ATP10B: variants seen among roughly 807,000 people sequenced by gnomAD.
ATP10B encodes the protein ATPase phospholipid transporting 10B (putative), also known as phospholipid-transporting ATPase VB.
ATP10B carries 122 observed loss-of-function variants against 141.2 expected under a neutral mutation model. That is an observed-to-expected ratio of 0.86 (90% CI 0.75 to 1.00). The LOEUF is 1.00. Ranked by LOEUF, ATP10B falls within the 50% of genes least tolerant of loss-of-function variation. ATP10B has a pLI of 0.00. For synonymous variants in ATP10B, 685 were observed against 692.0 expected (o/e 0.99, Z 0.16); for missense variants, 1,876 against 1,825.3 (o/e 1.03, Z -0.51).
chr5:160,598,717 A>C, intron 22 of ATP10B, 53 bp downstream of exon 22: 5 of 1,541,160 alleles, frequency 3.2e-6, no homozygotes, highest in Non-Finnish European at 4.5e-6. Context: ...GAGGGGAGGT[A>C]GAGGTCAGTA....
chr5:160,569,829 A>G (rs902579585), intron 24 of ATP10B, 146 bp from the exon 25 acceptor site: 3 of 650,506 alleles, frequency 4.6e-6, no homozygotes, highest in Non-Finnish European at 7.4e-6. Flanking sequence ...TTAATCTATC[A>G]TTATAAAGCA....
intron 18 of ATP10B, among the ~76,000 whole-genome samples, chr5:160,609,943 A>C (rs533484908): frequency 6.6e-6 from 1 of 152,218 alleles, no homozygotes; most frequent in Non-Finnish European, 1.5e-5. Context: ...CATAAGCTTT[A>C]AAATTAAATC....
rs115341007 is a variant in ATP10B at position 160,847,258 on chromosome 5, G to A, written c.-576+4683C>T. Among the ~76,000 whole-genome samples, 931 of 152,188 alleles carry A rather than the reference G, an allele frequency of 6.1e-3. 15 individuals carry two copies. Among genetic ancestry groups the A allele is most frequent in the African/African-American group, 0.022 (897 of 41,516 alleles). On this transcript the variant is annotated intron_variant, in intron 1 of 25. Coordinates refer to ENST00000327245, the MANE Select transcript of ATP10B (RefSeq NM_025153.3). ...AATATTTGAGTGTATCTAGCTTCTG[G>A]GATTCTATAATAGTCAGTTATGTAA...
At chr5:160,654,704 G>GTCATCA (rs151297339) in intron 7 of ATP10B, among the ~76,000 whole-genome samples, 6 of 151,934 alleles carry the variant, frequency 3.9e-5, no homozygotes, top group East Asian at 1.9e-4. Flanking sequence ...TGTCGTCATC[G>GTCATCA]TCATCATCAT....
chr5:160,917,282 T>G, the ATP10B span, among the ~76,000 whole-genome samples: 6 of 150,986 alleles, frequency 4.0e-5, no homozygotes, highest in East Asian at 1.2e-3. Context: ...TTTTTTTTTT[T>G]TTTTTGGTGC....
At chr5:160,599,277 G>A (rs774874271) in intron 21 of ATP10B, among the ~76,000 whole-genome samples, 1 of 152,168 alleles carries the variant, frequency 6.6e-6, no homozygotes, top group Non-Finnish European at 1.5e-5. Flanking sequence ...AAAGCAAAAT[G>A]ATGTATGGCA....
intron 24 of ATP10B, among the ~76,000 whole-genome samples, chr5:160,584,511 T>A (rs1480235278): frequency 1.3e-5 from 2 of 152,344 alleles, no homozygotes; most frequent in African/African-American, 2.4e-5. Context: ...TCTCATTTTT[T>A]CATCTTTCCT....
At chr5:160,872,435 A>T in the ATP10B span, among the ~76,000 whole-genome samples, 1 of 152,098 alleles carries the variant, frequency 6.6e-6, no homozygotes, top group Admixed American at 6.5e-5. Flanking sequence ...TGGGTTCTTG[A>T]TCATGAAATC....
At chr5:160,920,436 A>G in the ATP10B span, among the ~76,000 whole-genome samples, 2 of 152,238 alleles carry the variant, frequency 1.3e-5, no homozygotes, top group African/African-American at 4.8e-5. Flanking sequence ...TCAATATTGC[A>G]TGTTCCGTGT....
rs60078265 is a variant in ATP10B at position 160,823,001 on chromosome 5, C to CATATATAT, written c.-576+28932_-576+28939dup. ...AAAATTACATATACATATATATATACATATATATATATATATATATATATA... is the reference window on the plus strand; with the variant it reads ...AAAATTACATATACATATATATATACATATATATATATATATATATATATATATATATA... On this transcript the variant is annotated intron_variant, in intron 1 of 25. Transcript: ENST00000327245. Among the ~76,000 whole-genome samples the CATATATAT allele has an allele frequency of 4.8e-3, 166 of 34,432 alleles. 1 individual carries two copies. The highest frequency in any genetic ancestry group is 0.013 in the African/African-American group (138 of 10,690). 22.6% of individuals were successfully genotyped at this position (34,432 alleles called of 152,430 possible).
intron 2 of ATP10B, among the ~76,000 whole-genome samples, chr5:160,744,784 T>C (rs1299710406): frequency 6.6e-5 from 10 of 152,222 alleles, no homozygotes; most frequent in Admixed American, 6.5e-4. Flanking sequence ...AATTTACATA[T>C]GTTAAGTCTC....
the ATP10B span, among the ~76,000 whole-genome samples, chr5:160,883,427 TA>T: frequency 6.6e-6 from 1 of 152,132 alleles, no homozygotes; most frequent in Admixed American, 6.6e-5. Context: ...TGAGTTTTAT[TA>T]ACCCTGAAAA....
At chr5:160,783,197 G>C (rs1287135759) in intron 2 of ATP10B, among the ~76,000 whole-genome samples, 4 of 151,424 alleles carry the variant, frequency 2.6e-5, no homozygotes, top group Non-Finnish European at 5.9e-5. Context: ...AGTCCCCAAA[G>C]TCCATTGTAT....
At chr5:160,836,239 TAC>T (rs1775421498) in intron 1 of ATP10B, among the ~76,000 whole-genome samples, 1 of 152,150 alleles carries the variant, frequency 6.6e-6, no homozygotes, top group Non-Finnish European at 1.5e-5. Context: ...CCCTTCAATT[TAC>T]ACACAGAAAA....
At chr5:160,800,250 C>A (rs1430808251) in intron 1 of ATP10B, among the ~76,000 whole-genome samples, 1 of 152,110 alleles carries the variant, frequency 6.6e-6, no homozygotes, top group Non-Finnish European at 1.5e-5. Context: ...TAAACAACTT[C>A]GATTAGTTGC....
chr5:160,766,200 G>A (rs557035534), intron 2 of ATP10B, among the ~76,000 whole-genome samples: 9 of 152,214 alleles, frequency 5.9e-5, no homozygotes, highest in African/African-American at 2.2e-4. Flanking sequence ...TCCCACTACT[G>A]TGTATGTGCC....
the ATP10B span, among the ~76,000 whole-genome samples, chr5:160,915,680 G>A: frequency 6.6e-5 from 10 of 152,134 alleles, no homozygotes; most frequent in South Asian, 8.3e-4. Flanking sequence ...GATTTGCCCC[G>A]TATGAGACAA....
At chr5:160,724,391 G>C (rs1315154627) in intron 2 of ATP10B, among the ~76,000 whole-genome samples, 1 of 151,610 alleles carries the variant, frequency 6.6e-6, no homozygotes, top group African/African-American at 2.4e-5. Flanking sequence ...CCAAAGTGCT[G>C]GAATTACAGG....
intron 2 of ATP10B, among the ~76,000 whole-genome samples, chr5:160,760,063 G>A (rs1302570779): frequency 1.3e-5 from 2 of 152,112 alleles, no homozygotes; most frequent in Non-Finnish European, 2.9e-5. Flanking sequence ...ACGCAATGGA[G>A]GAAAGTACCA....
Sources: gnomAD v4.1 joint callset for allele counts (sites outside exome capture counted in the v4.1 genomes callset) on GRCh38, gnomAD v4.1.1 for gene constraint, MANE v1.5 for transcripts, NCBI Gene and HGNC (gene_info 2026-07-23, HGNC 2026-07-21) for gene names.